The following MAP4K4 variants were observed in gnomAD, a reference collection of about 807,000 sequenced individuals.
MAP4K4 encodes HPK/GCK-like kinase HGK.
Under a neutral mutation model 189.6 loss-of-function variants are expected in MAP4K4, and 38 were observed. The ratio of observed to expected loss-of-function variants is 0.20; its 90% CI spans 0.15 to 0.26. The LOEUF (loss-of-function observed/expected upper bound fraction) is 0.26. Among genes scored for constraint, MAP4K4 ranks in the 10% least tolerant of loss-of-function variants. The pLI is 1.00. For synonymous variants in MAP4K4, 610 were observed against 624.3 expected, an observed-to-expected ratio of 0.98 and a Z score of 0.34; for missense variants, 1,054 against 1,726.9, an observed-to-expected ratio of 0.61 and a Z score of 6.91.
chr2:101,846,560 G>A (rs931821365), intron 12 of MAP4K4, among the ~76,000 whole-genome samples: 1 of 152,120 alleles, frequency 6.6e-6, no homozygotes, highest in African/African-American at 2.4e-5. Context: ...GGTGAGCGAT[G>A]GTAGAAGGTG....
intron 15 of MAP4K4, 49 bp from the exon 16 acceptor site, chr2:101,860,776 G>C (rs1211944654): frequency 6.9e-6 from 10 of 1,444,098 alleles, no homozygotes; most frequent in Non-Finnish European, 9.4e-6. Flanking sequence ...TGATATTTCT[G>C]CTTTTCCCCT....
intron 13 of MAP4K4, among the ~76,000 whole-genome samples, chr2:101,858,177 A>G (rs2097534273): frequency 6.6e-6 from 1 of 152,236 alleles, no homozygotes; most frequent in African/African-American, 2.4e-5. Context: ...GCTAGGGATC[A>G]TAGAGCCAGT....
chr2:101,787,877 C>T (rs983288111), intron 2 of MAP4K4, among the ~76,000 whole-genome samples: 3 of 149,640 alleles, frequency 2.0e-5, no homozygotes, highest in Non-Finnish European at 4.4e-5. Context: ...GATCTCAGCT[C>T]ACTGCAACCT....
chr2:101,699,477 A>C (rs1177229928), intron 2 of MAP4K4, among the ~76,000 whole-genome samples: 1 of 152,172 alleles, frequency 6.6e-6, no homozygotes. Context: ...CTCAATACTG[A>C]ACGTTTTCTA....
intron 2 of MAP4K4, among the ~76,000 whole-genome samples, chr2:101,760,526 A>ATGTGTG (rs1553439667): frequency 9.4e-6 from 1 of 106,244 alleles, no homozygotes; most frequent in African/African-American, 4.9e-5. Flanking sequence ...ATATATATGT[A>ATGTGTG]TATATGTGTG....
At chr2:101,773,470 G>A (rs935232370) in intron 2 of MAP4K4, among the ~76,000 whole-genome samples, 4 of 152,198 alleles carry the variant, frequency 2.6e-5, no homozygotes, top group Non-Finnish European at 5.9e-5. Context: ...TGGATACATA[G>A]TAGGTGTATA....
At chr2:101,791,366 CAG>C (rs2148814987) in intron 3 of MAP4K4, among the ~76,000 whole-genome samples, 1 of 152,064 alleles carries the variant, frequency 6.6e-6, no homozygotes, top group East Asian at 1.9e-4. Context: ...GTGACCGAGA[CAG>C]AAAGTAAATG....
chr2:101,763,921 G>A (rs995615933), intron 2 of MAP4K4, among the ~76,000 whole-genome samples: 1 of 152,136 alleles, frequency 6.6e-6, no homozygotes, highest in African/African-American at 2.4e-5. Flanking sequence ...TGGAGAGGGG[G>A]CTGGAGAGGA....
rs2092724502 is a variant in MAP4K4, at chr2:101,790,709, C to T, written c.124-11C>T. Reference sequence around the variant, plus strand: ...GGTGCTGATTTTTGATCTATTTTTTCTGTTTTTCAGGGTCGACATGTTAAA... The same window carrying T: ...GGTGCTGATTTTTGATCTATTTTTTTTGTTTTTCAGGGTCGACATGTTAAA... On this transcript the variant is annotated splice_polypyrimidine_tract_variant and intron_variant, in intron 2 of 32. Transcript: ENST00000324219. The T allele has an allele frequency of 4.4e-6, 7 of 1,602,338 alleles. No individual in the cohort carries two copies. The highest frequency in any genetic ancestry group is 1.3e-5 in the African/African-American group (1 of 74,690).
intron 2 of MAP4K4, among the ~76,000 whole-genome samples, chr2:101,727,266 C>T (rs898621888): frequency 6.6e-6 from 1 of 152,154 alleles, no homozygotes; most frequent in Admixed American, 6.5e-5. Flanking sequence ...AGTGAAAACA[C>T]TTAGCATTTA....
At chr2:101,873,913 T>C (rs2098125503) in intron 25 of MAP4K4, 149 bp downstream of exon 25, 1 of 788,420 alleles carries the variant, frequency 1.3e-6, no homozygotes, top group Middle Eastern at 2.3e-4. Context: ...TTATTTGCAA[T>C]GAGATGCAGA....
intron 12 of MAP4K4, among the ~76,000 whole-genome samples, chr2:101,853,558 C>A (rs529052502): frequency 4.3e-4 from 66 of 152,190 alleles, no homozygotes; most frequent in African/African-American, 1.5e-3. Flanking sequence ...TTAATAGATG[C>A]TCTAGGAAGT....
chr2:101,703,510 T>G (rs1292165333), intron 2 of MAP4K4, among the ~76,000 whole-genome samples: 1 of 147,696 alleles, frequency 6.8e-6, no homozygotes, highest in Non-Finnish European at 1.5e-5. Context: ...CCCAGCCACT[T>G]GGGAGGCTGA....
chr2:101,741,983 T>G (rs1351136949), intron 2 of MAP4K4, among the ~76,000 whole-genome samples: 1 of 152,032 alleles, frequency 6.6e-6, no homozygotes, highest in Non-Finnish European at 1.5e-5. Flanking sequence ...GAGTGTGTGT[T>G]TGTAGATGGT....
intron 2 of MAP4K4, among the ~76,000 whole-genome samples, chr2:101,711,847 A>G (rs1329542221): frequency 3.9e-5 from 6 of 152,176 alleles, no homozygotes; most frequent in Admixed American, 1.3e-4. Context: ...TGTTATATGA[A>G]AAAAGCAACT....
intron 2 of MAP4K4, among the ~76,000 whole-genome samples, chr2:101,774,897 C>T (rs1249708820): frequency 1.3e-5 from 2 of 152,028 alleles, no homozygotes; most frequent in African/African-American, 4.8e-5. Flanking sequence ...GGGCAGCCCC[C>T]GAAGGACTTC....
At chr2:101,887,410 A>G in intron 30 of MAP4K4, 173 bp downstream of exon 30, 3 of 650,588 alleles carry the variant, frequency 4.6e-6, no homozygotes, top group Non-Finnish European at 7.4e-6. Context: ...AGACAAGTGG[A>G]AATCCGCCTT....
chr2:101,867,954 C>T (rs571329083), intron 20 of MAP4K4, 75 bp from the exon 21 acceptor site: 3 of 1,467,706 alleles, frequency 2.0e-6, no homozygotes, highest in Middle Eastern at 1.7e-4. Flanking sequence ...CCTTCTTTCT[C>T]CCGCGCTTCC....
chr2:101,764,344 G>A (rs2077692319), intron 2 of MAP4K4, among the ~76,000 whole-genome samples: 1 of 152,202 alleles, frequency 6.6e-6, no homozygotes, highest in Non-Finnish European at 1.5e-5. Flanking sequence ...TATACTGAGT[G>A]AAAAATGACT....
Sources: gnomAD v4.1 joint callset for allele counts (sites outside exome capture counted in the v4.1 genomes callset) on GRCh38, gnomAD v4.1.1 for gene constraint, MANE v1.5 for transcripts, NCBI Gene and HGNC (gene_info 2026-07-23, HGNC 2026-07-21) for gene names.